CDH13: variants seen among roughly 807,000 people sequenced by gnomAD.
CDH13 encodes cadherin-13.
A neutral mutation model predicts 63.8 loss-of-function variants in CDH13; 24 were observed. The ratio of observed to expected loss-of-function variants is 0.38; its 90% CI spans 0.27 to 0.53. CDH13 has a LOEUF of 0.53. CDH13 is among the 20% of genes least tolerant of loss of function. CDH13 has a pLI of 0.85. For synonymous variants in CDH13, 503 were observed against 355.3 expected (o/e 1.42, Z -4.67); for missense variants, 1,049 against 903.1 (o/e 1.16, Z -2.07).
chr16:83,494,639 G>A (rs115840093), intron 7 of CDH13, among the ~76,000 whole-genome samples: 2 of 152,320 alleles, frequency 1.3e-5, no homozygotes, highest in Admixed American at 6.5e-5. Context: ...CAGGAACTGG[G>A]TGGTTAGAAC....
intron 2 of CDH13, among the ~76,000 whole-genome samples, chr16:83,007,190 G>A (rs1489911371): frequency 1.3e-5 from 2 of 152,128 alleles, no homozygotes; most frequent in Non-Finnish European, 2.9e-5. Flanking sequence ...CCAGAGTGCT[G>A]GGATTACAGG....
At chr16:83,373,748 G>T (rs11643206) in intron 6 of CDH13, among the ~76,000 whole-genome samples, 18,221 of 152,174 alleles carry the variant, frequency 0.12, 1,229 homozygotes, top group Non-Finnish European at 0.15. Context: ...ACTAGTTGAG[G>T]GATCTTCGAT....
intron 1 of CDH13, among the ~76,000 whole-genome samples, chr16:82,783,595 C>G (rs1033987308): frequency 6.6e-6 from 1 of 152,236 alleles, no homozygotes; most frequent in South Asian, 2.1e-4. Context: ...GATTCTTTTC[C>G]TCCCTGAGCT....
chr16:82,930,666 G>A (rs1369062788), intron 2 of CDH13, among the ~76,000 whole-genome samples: 2 of 152,120 alleles, frequency 1.3e-5, no homozygotes, highest in African/African-American at 2.4e-5. Flanking sequence ...ATATTAAGAT[G>A]TTCTTAGGAC....
At chr16:82,858,010 A>G (rs1597818006) in intron 1 of CDH13, among the ~76,000 whole-genome samples, 1 of 152,210 alleles carries the variant, frequency 6.6e-6, no homozygotes, top group Non-Finnish European at 1.5e-5. Context: ...CTTTGCTTGT[A>G]TAAAAATGAA....
chr16:83,625,318 G>A (rs1004558178), intron 8 of CDH13, among the ~76,000 whole-genome samples: 1 of 152,096 alleles, frequency 6.6e-6, no homozygotes, highest in Non-Finnish European at 1.5e-5. Context: ...ATTCTTCCAC[G>A]CTGGTTTATT....
chr16:82,697,040 A>C (rs368103354), intron 1 of CDH13, among the ~76,000 whole-genome samples: 2 of 152,208 alleles, frequency 1.3e-5, no homozygotes, highest in South Asian at 4.1e-4. Flanking sequence ...AAACCAAGGA[A>C]GGAACCAGAA....
chr16:83,651,478 T>C (rs1314514497), intron 8 of CDH13, among the ~76,000 whole-genome samples: 2 of 151,732 alleles, frequency 1.3e-5, no homozygotes, highest in Non-Finnish European at 2.9e-5. Flanking sequence ...GATGAGAAAA[T>C]GGAGACACGG....
intron 13 of CDH13, among the ~76,000 whole-genome samples, chr16:83,791,351 C>T (rs796302558): frequency 6.6e-6 from 1 of 152,148 alleles, no homozygotes; most frequent in South Asian, 2.1e-4. Flanking sequence ...TAAAAATTAC[C>T]TGGGCACGGT....
intron 2 of CDH13, among the ~76,000 whole-genome samples, chr16:82,881,169 C>T (rs1460366711): frequency 6.6e-6 from 1 of 152,046 alleles, no homozygotes; most frequent in Non-Finnish European, 1.5e-5. Context: ...TGGGCTTATC[C>T]TAATCTTTGT....
chr16:83,359,312 A>C (rs2091116226), intron 6 of CDH13, among the ~76,000 whole-genome samples: 1 of 152,194 alleles, frequency 6.6e-6, no homozygotes, highest in South Asian at 2.1e-4. Flanking sequence ...GGCTAATAAC[A>C]ATGCCCCAAA....
At chr16:83,136,350 GT>G (rs937820358) in intron 4 of CDH13, among the ~76,000 whole-genome samples, 7 of 151,834 alleles carry the variant, frequency 4.6e-5, no homozygotes, top group African/African-American at 1.7e-4. Context: ...GCCGGGCGTA[GT>G]GGTGTGCGCC....
chr16:83,513,120 C>T (rs1157430451), intron 7 of CDH13, among the ~76,000 whole-genome samples: 1 of 151,968 alleles, frequency 6.6e-6, no homozygotes, highest in African/African-American at 2.4e-5. Context: ...GTCTTCGAGC[C>T]TATAATGCCT....
intron 7 of CDH13, among the ~76,000 whole-genome samples, chr16:83,555,108 G>C (rs1373318800): frequency 6.6e-6 from 1 of 152,170 alleles, no homozygotes; most frequent in African/African-American, 2.4e-5. Context: ...TGTATACAGA[G>C]AGAGCGAGCT....
At chr16:83,614,856 C>G (rs1278522515) in intron 8 of CDH13, among the ~76,000 whole-genome samples, 1 of 152,200 alleles carries the variant, frequency 6.6e-6, no homozygotes, top group African/African-American at 2.4e-5. Context: ...GTACCCACTC[C>G]ATCTCATACC....
intron 1 of CDH13, among the ~76,000 whole-genome samples, 196 bp downstream of exon 1, chr16:82,627,333 CGTGCGT>C (rs1000855352): frequency 2.5e-4 from 17 of 67,410 alleles, no homozygotes; most frequent in Admixed American, 1.1e-3. Flanking sequence ...CCCACTCTGG[CGTGCGT>C]GTGTGTGTGT....
intron 4 of CDH13, among the ~76,000 whole-genome samples, chr16:83,135,147 T>C (rs1416573451): frequency 6.6e-6 from 1 of 152,220 alleles, no homozygotes; most frequent in East Asian, 1.9e-4. Flanking sequence ...AACCCTACTG[T>C]CCTGCTTAGT....
chr16:83,149,854 A>G (rs2036899960), intron 4 of CDH13, among the ~76,000 whole-genome samples: 2 of 152,216 alleles, frequency 1.3e-5, no homozygotes, highest in South Asian at 4.1e-4. Flanking sequence ...GGTAATATTT[A>G]CACCACAGAA....
chr16:83,188,899 T>C (rs1383391211), intron 4 of CDH13, among the ~76,000 whole-genome samples: 2 of 152,118 alleles, frequency 1.3e-5, no homozygotes, highest in African/African-American at 4.8e-5. Context: ...CTGACAAAGA[T>C]ATTGGGCTGG....
Sources: allele counts gnomAD v4.1 joint callset (sites outside exome capture counted in the v4.1 genomes callset), GRCh38; gene constraint gnomAD v4.1.1; transcripts MANE v1.5; gene names NCBI Gene and HGNC (gene_info 2026-07-23, HGNC 2026-07-21).